Variants in KTN1 observed in about 807,000 individuals in gnomAD.
The protein encoded by KTN1 is kinectin 1.
Under a neutral mutation model 222.5 loss-of-function variants are expected in KTN1, and 130 were observed. That is an observed-to-expected ratio of 0.58 (90% CI 0.51 to 0.68). The LOEUF (loss-of-function observed/expected upper bound fraction) is 0.68, where lower values mean the gene tolerates loss of function less well. Ranked by LOEUF, KTN1 falls within the 30% of genes least tolerant of loss-of-function variation. The probability of loss-of-function intolerance (pLI) is 0.00; values close to 1 mark genes in which losing one functional copy is unlikely to be tolerated. For synonymous variants in KTN1, 512 were observed against 496.3 expected (o/e 1.03, Z -0.42); for missense variants, 1,508 against 1,500.4 (o/e 1.01, Z -0.08).
chr14:55,612,927 T>G (rs1265321582), intron 2 of KTN1, among the ~76,000 whole-genome samples: 1 of 152,038 alleles, frequency 6.6e-6, no homozygotes, highest in Non-Finnish European at 1.5e-5. Flanking sequence ...CCATACATCT[T>G]ATAAATATCC....
chr14:55,608,776 C>A (rs894647901), intron 1 of KTN1, among the ~76,000 whole-genome samples: 1 of 151,930 alleles, frequency 6.6e-6, no homozygotes, highest in Non-Finnish European at 1.5e-5. Context: ...ATTACAGGCG[C>A]GTACCACCAC....
intron 43 of KTN1, 137 bp downstream of exon 43, chr14:55,679,822 T>G: frequency 1.1e-6 from 1 of 913,896 alleles, no homozygotes; most frequent in Non-Finnish European, 1.7e-6. Flanking sequence ...ATGACAGCCT[T>G]AAGCTTTCTT....
At chr14:55,650,696 T>C in intron 24 of KTN1, 59 bp downstream of exon 24, 1 of 1,300,068 alleles carries the variant, frequency 7.7e-7, no homozygotes, top group Non-Finnish European at 1.1e-6. Flanking sequence ...TATGAGCTAT[T>C]TGATTTTTTT....
At chr14:55,607,856 A>G (rs777740521) in intron 1 of KTN1, among the ~76,000 whole-genome samples, 21 of 152,180 alleles carry the variant, frequency 1.4e-4, no homozygotes, top group African/African-American at 1.9e-4. Context: ...TGAATAGCCA[A>G]TGTGGTCCAG....
Position 55,618,045 on chromosome 14 carries a change from A to T in KTN1, c.743A>T (p.Lys248Met), listed in dbSNP as rs2038635585. The change falls in exon 4 of 44, where the codon AAG becomes ATG. Residue 248 changes from lysine to methionine, a missense_variant. By Grantham distance (95) the Lys-to-Met change is moderately conservative (BLOSUM62 -1). Coordinates refer to ENST00000395314, the MANE Select transcript of KTN1 (RefSeq NM_001079521.2). ...GCTGACTCAAGTCCTGTGGTAGATA[A>T]GAGAGAGGTTATTGATTTGCTTAAA... ...DNADSSPVVD[K>M]REVIDLLKPD... 5.0e-6 allele frequency: 8 copies of T among 1,612,876 alleles called. No homozygotes were observed. The highest frequency in any genetic ancestry group is 5.1e-6 in the Non-Finnish European group (6 of 1,179,122).
At chr14:55,674,608 T>C (rs2045738801) in intron 40 of KTN1, 1 of 152,174 alleles carries the variant, frequency 6.6e-6, no homozygotes, top group Non-Finnish European at 1.5e-5. Flanking sequence ...CCTCACTCTA[T>C]GTTTTTAAAA....
intron 1 of KTN1, among the ~76,000 whole-genome samples, chr14:55,586,885 C>G (rs1355387645): frequency 6.6e-6 from 1 of 152,100 alleles, no homozygotes; most frequent in Non-Finnish European, 1.5e-5. Flanking sequence ...TGCATATGTT[C>G]ATTATAAGTT....
chr14:55,665,699 A>G (rs576889743), intron 33 of KTN1, among the ~76,000 whole-genome samples: 1 of 152,050 alleles, frequency 6.6e-6, no homozygotes, highest in Non-Finnish European at 1.5e-5. Flanking sequence ...CTACTGAAAG[A>G]AACTCTTATA....
chr14:55,583,549 C>T (rs189800945), intron 1 of KTN1, among the ~76,000 whole-genome samples: 1 of 152,316 alleles, frequency 6.6e-6, no homozygotes, highest in Non-Finnish European at 1.5e-5. Context: ...TTGCACTCTT[C>T]TTCCAGGACA....
chr14:55,626,502 C>A (rs2039847590), intron 5 of KTN1, among the ~76,000 whole-genome samples: 1 of 152,092 alleles, frequency 6.6e-6, no homozygotes, highest in Admixed American at 6.6e-5. Flanking sequence ...TGTGTGATAA[C>A]CTTTTTCTGG....
At chr14:55,639,330 A>G (rs1566771968) in intron 13 of KTN1, 108 bp downstream of exon 13, 1 of 695,058 alleles carries the variant, frequency 1.4e-6, no homozygotes, top group East Asian at 2.7e-5. Context: ...CTGTTCAGAA[A>G]ATACTCTGAA....
intron 29 of KTN1, among the ~76,000 whole-genome samples, chr14:55,657,308 C>T (rs901336221): frequency 2.0e-5 from 3 of 151,256 alleles, no homozygotes; most frequent in Non-Finnish European, 2.9e-5. Flanking sequence ...CATTTGACTG[C>T]GAGAGAAGTT....
At chr14:55,649,936 A>G (rs1333205878) in intron 22 of KTN1, 123 bp downstream of exon 22, 2 of 548,308 alleles carry the variant, frequency 3.6e-6, no homozygotes, top group East Asian at 3.3e-5. Context: ...CTTTCACTCT[A>G]TAATTTTTCT....
In KTN1 at chr14:55,651,857, TATTA is replaced by T. The variant is rs754130476; in HGVS notation, c.2566-29_2566-26del. 1,531 of 1,409,432 alleles carry T rather than the reference TATTA, an allele frequency of 1.1e-3. 22 individuals are homozygous for T. Among genetic ancestry groups the T allele is most frequent in the Admixed American group, 7.3e-4 (40 of 54,802 alleles). The allele number at this position is 1,409,432 out of a possible 1,614,324, so 87.3% of individuals were successfully genotyped here. ...GCTTAATAAGTTAAATTGAAAGGAT[TATTA>T]ATTGATTTTTCTGTCCTTTGTATTT... On this transcript the variant is annotated intron_variant, in intron 24 of 43. Coordinates refer to ENST00000395314, the MANE Select transcript of KTN1 (RefSeq NM_001079521.2).
At chr14:55,662,459 A>G (rs1288810991) in intron 32 of KTN1, among the ~76,000 whole-genome samples, 1 of 152,156 alleles carries the variant, frequency 6.6e-6, no homozygotes, top group African/African-American at 2.4e-5. Context: ...TTATACTAGA[A>G]AGGGAAGGGA....
chr14:55,611,506 A>C (rs760710451), intron 1 of KTN1, among the ~76,000 whole-genome samples: 1 of 152,026 alleles, frequency 6.6e-6, no homozygotes, highest in Non-Finnish European at 1.5e-5. Context: ...GCTGATAGTC[A>C]CTGGTGTAAA....
At chr14:55,610,351 T>A (rs1267267510) in intron 1 of KTN1, among the ~76,000 whole-genome samples, 1 of 150,598 alleles carries the variant, frequency 6.6e-6, no homozygotes, top group Non-Finnish European at 1.5e-5. Context: ...TCAGTAACAA[T>A]TGGTTAAAAA....
At chr14:55,580,497 T>G (rs2031132116) in intron 1 of KTN1, 143 bp downstream of exon 1, 1 of 148,040 alleles carries the variant, frequency 6.8e-6, no homozygotes, top group Middle Eastern at 3.5e-3. Context: ...CGCCGCCCGC[T>G]GGGTAGGCCT....
At chr14:55,618,652 G>A (rs1282586385) in intron 4 of KTN1, among the ~76,000 whole-genome samples, 1 of 152,170 alleles carries the variant, frequency 6.6e-6, no homozygotes, top group African/African-American at 2.4e-5. Flanking sequence ...GAAAATAAGG[G>A]TGGGTGGGTC....
Sources: allele counts gnomAD v4.1 joint callset (sites outside exome capture counted in the v4.1 genomes callset), GRCh38; gene constraint gnomAD v4.1.1; transcripts MANE v1.5; gene names NCBI Gene and HGNC (gene_info 2026-07-23, HGNC 2026-07-21).